Variants in BCORL1 observed in about 807,000 individuals in gnomAD.
BCORL1 encodes BCL6 corepressor like 1.
In BCORL1, 7 loss-of-function variants were observed where a neutral mutation model predicts 87.6. The ratio of observed to expected loss-of-function variants is 0.08; its 90% confidence interval spans 0.05 to 0.15. BCORL1 has a LOEUF of 0.15. BCORL1 is among the 10% of genes least tolerant of loss of function. BCORL1 has a pLI of 1.00. For missense variants in BCORL1, 1,215 were observed against 1,499.7 expected (o/e 0.81, Z 3.13); for synonymous variants, 591 against 634.4 (o/e 0.93, Z 1.03).
At chrX:129,991,135 A>C (rs975486714) in intron 1 of BCORL1, among the ~76,000 whole-genome samples, 1 of 108,459 alleles carries the variant, frequency 9.2e-6, no homozygotes, top group Non-Finnish European at 1.9e-5. Context: ...TTATTTTTTG[A>C]GATAGAGTTT....
Position 130,023,469 on chromosome X carries a change from A to T in BCORL1, c.3688+492A>T, listed in dbSNP as rs1022112294. 3.6e-5 allele frequency among the ~76,000 whole-genome samples: 4 copies of T among 112,055 alleles called. No homozygotes were observed. The Admixed American group carries it at 3.8e-4, about 11-fold the overall frequency. On this transcript the variant is annotated intron_variant, in intron 6 of 13. Transcript: ENST00000540052. ...TGTTGGTCAACCTCTAGGGACTAAAAAAAGCTAGCCCTTTCTAGCCACCAC... is the reference window on the plus strand; with the variant it reads ...TGTTGGTCAACCTCTAGGGACTAAATAAAGCTAGCCCTTTCTAGCCACCAC...
chrX:130,036,669 C>CTTAT (rs1487850797), intron 9 of BCORL1, among the ~76,000 whole-genome samples: 8 of 112,538 alleles, frequency 7.1e-5, no homozygotes, highest in African/African-American at 2.6e-4. Context: ...AATTGTCTTC[C>CTTAT]TTATTCTTGA....
Position 130,015,548 on chromosome X carries a change from C to T in BCORL1, c.2776C>T (p.Leu926Phe). 1 of 1,212,355 alleles carries T rather than the reference C, an allele frequency of 8.2e-7. No homozygotes were observed. Among genetic ancestry groups the T allele is most frequent in the African/African-American group, 1.7e-5 (1 of 57,954 alleles). Reference sequence around the variant, plus strand: ...ACAAGTCAATCCTGTCCTCTTGACCCTCAGCCCTCAGACTGGGACCCTGGC... The same window carrying T: ...ACAAGTCAATCCTGTCCTCTTGACCTTCAGCCCTCAGACTGGGACCCTGGC... ...EEQVNPVLLT[L>F]SPQTGTLALS... The change falls in exon 4 of 14, where the codon CTC (leucine) becomes TTC (phenylalanine). Residue 926 changes from leucine (L) to phenylalanine (F), a missense_variant. By Grantham distance (22) the Leu-to-Phe change is conservative. Coordinates refer to ENST00000540052, the MANE Select transcript of BCORL1 (RefSeq NM_001379451.1).
chrX:130,048,129 G>A (rs1931865357), intron 11 of BCORL1, among the ~76,000 whole-genome samples: 1 of 112,074 alleles, frequency 8.9e-6, no homozygotes, highest in African/African-American at 3.2e-5. Context: ...TCCTACTGGG[G>A]GAAACCCGCC....
intron 7 of BCORL1, among the ~76,000 whole-genome samples, chrX:130,026,019 A>T (rs1398600520): frequency 8.9e-6 from 1 of 111,741 alleles, no homozygotes; most frequent in African/African-American, 3.3e-5. Flanking sequence ...ACCACATCAA[A>T]TGCTGTGATA....
chrX:129,999,019 A>G (rs941149197), intron 1 of BCORL1, among the ~76,000 whole-genome samples: 1 of 108,159 alleles, frequency 9.2e-6, no homozygotes, highest in African/African-American at 3.4e-5. Flanking sequence ...TGTATTATAT[A>G]GTAATTATTT....
chrX:130,037,608 C>T, intron 10 of BCORL1, 75 bp downstream of exon 10: 6 of 1,097,955 alleles, frequency 5.5e-6, no homozygotes, highest in Admixed American at 2.8e-5. Flanking sequence ...CCTTGCCTGC[C>T]GCTGGCAGGC....
At position 130,023,067 on chromosome X, in the gene BCORL1, G is replaced by A. The variant is rs754515132; in HGVS notation, c.3688+90G>A. On this transcript the variant is annotated intron_variant, in intron 6 of 13. Coordinates refer to ENST00000540052, the MANE Select transcript of BCORL1 (RefSeq NM_001379451.1). ...TTGAGCAGTTTTACCATGGGCCCAG[G>A]TGTCGAGTTGGGAATTTGATTCACT... 15 of 806,206 alleles carry A rather than the reference G, an allele frequency of 1.9e-5. No homozygotes were observed. In the Admixed American group the frequency reaches 3.3e-4, roughly 18 times the overall value. The allele number at this position is 806,206 out of a possible 1,213,427, so 66.4% of individuals were successfully genotyped here. A position where few individuals can be genotyped will look rare whatever the true frequency, so the allele number is the denominator to read the frequency against.
At position 130,014,757 on chromosome X, in the gene BCORL1, T is replaced by C; in HGVS notation, c.1985T>C (p.Leu662Pro). The change falls in exon 4 of 14, where the codon CTG becomes CCG. Residue 662 changes from leucine (L) to proline (P), a missense_variant. Transcript: ENST00000540052. ...AGCAAGGCCCTCCTCTCCACAGTCC[T>C]GTCTAGGTCTCAGCGCACAACCCAG... is the stretch of plus-strand genomic sequence containing the variant. ...TSSKALLSTV[L>P]SRSQRTTQAA... The C allele has an allele frequency of 2.5e-6, 3 of 1,211,438 alleles. No homozygotes were observed. The highest frequency in any genetic ancestry group is 3.4e-6 in the Non-Finnish European group (3 of 895,417).
intron 1 of BCORL1, among the ~76,000 whole-genome samples, chrX:129,996,808 G>A (rs376050765): frequency 4.6e-5 from 5 of 109,704 alleles, no homozygotes; most frequent in South Asian, 7.8e-4. Flanking sequence ...TTATAGAGAC[G>A]AGGTCTCACT....
chrX:129,988,088 A>G (rs1926780681), intron 1 of BCORL1, among the ~76,000 whole-genome samples: 1 of 111,656 alleles, frequency 9.0e-6, no homozygotes, highest in Admixed American at 9.5e-5. Context: ...TGGTTGCCAG[A>G]GTGTTTAGTG....
In BCORL1 at chrX:130,012,454, C is replaced by G. The variant is rs149521350; in HGVS notation, c.87-124C>G. Reference sequence around the variant, plus strand: ...TCCTTGTAATCCCCCTCACAAGTTACTACAGGAAGTGAGGTAGGAAGGTTT... The same window carrying G: ...TCCTTGTAATCCCCCTCACAAGTTAGTACAGGAAGTGAGGTAGGAAGGTTT... On this transcript the variant is annotated intron_variant, in intron 2 of 13. Coordinates refer to ENST00000540052, the MANE Select transcript of BCORL1 (RefSeq NM_001379451.1). The G allele has an allele frequency of 3.2e-4, 172 of 539,582 alleles. No individual in the cohort carries two copies. The African/African-American group carries it at 3.5e-3, about 11-fold the overall frequency. 44.5% of individuals were successfully genotyped at this position (539,582 alleles called of 1,213,427 possible). A position where few individuals can be genotyped will look rare whatever the true frequency, so the allele number is the denominator to read the frequency against.
In BCORL1 at chrX:130,031,313, A is replaced by G. The variant is rs149689910; in HGVS notation, c.4305+2452A>G. Among the ~76,000 whole-genome samples the G allele has an allele frequency of 9.3e-4, 104 of 112,258 alleles. No individual in the cohort carries two copies. The East Asian group carries it at 0.027, about 29-fold the overall frequency. Reference sequence around the variant, plus strand: ...GCTTGTACCTCTCTGCCCTTTCAGGATGGGGACTGATCATGGCTTCTCGCT... The same window carrying G: ...GCTTGTACCTCTCTGCCCTTTCAGGGTGGGGACTGATCATGGCTTCTCGCT... On this transcript the variant is annotated intron_variant, in intron 8 of 13. Coordinates refer to ENST00000540052, the MANE Select transcript of BCORL1 (RefSeq NM_001379451.1).
chrX:130,004,122 A>G (rs767283273), intron 1 of BCORL1, among the ~76,000 whole-genome samples: 3 of 110,979 alleles, frequency 2.7e-5, no homozygotes, highest in African/African-American at 9.8e-5. Flanking sequence ...CATTTTTTCT[A>G]GAAGGTAAAT....
intron 1 of BCORL1, among the ~76,000 whole-genome samples, chrX:129,996,910 C>A (rs1480808521): frequency 8.9e-6 from 1 of 111,794 alleles, no homozygotes; most frequent in African/African-American, 3.3e-5. Flanking sequence ...TGAGCCCATG[C>A]CTGGCCTGGT....
chrX:129,989,902 C>G (rs1401926722), intron 1 of BCORL1, among the ~76,000 whole-genome samples: 1 of 110,651 alleles, frequency 9.0e-6, no homozygotes, highest in Non-Finnish European at 1.9e-5. Flanking sequence ...TCTCGTGCCT[C>G]AGCCTCTCGA....
At chrX:130,005,046 T>G (rs1383663801) in intron 1 of BCORL1, 142 bp from the exon 2 acceptor site, 1 of 382,380 alleles carries the variant, frequency 2.6e-6, no homozygotes, top group African/African-American at 2.5e-5. Context: ...CTTCCCGGTT[T>G]AGACCTTAAT....
intron 8 of BCORL1, among the ~76,000 whole-genome samples, chrX:130,031,882 C>A (rs1479303045): frequency 9.0e-6 from 1 of 111,437 alleles, no homozygotes; most frequent in African/African-American, 3.3e-5. Flanking sequence ...GAACCCTGTC[C>A]CCAAGGAGCT....
Position 130,015,816 on chromosome X carries a change from A to T in BCORL1, c.3044A>T (p.Asp1015Val), listed in dbSNP as rs750308561. The T allele has an allele frequency of 8.3e-7, 1 of 1,211,909 alleles. No homozygotes were observed. Among genetic ancestry groups the T allele is most frequent in the Non-Finnish European group, 1.1e-6 (1 of 895,512 alleles). Residue 1015 changes from aspartate to valine, a missense_variant, in exon 4 of 14, where the codon GAC (aspartate) becomes GTC (valine). By Grantham distance (152) the Asp-to-Val change is radical. Transcript: ENST00000540052. ...CCTGAGCTGCCTTTGCTACCTCACGACAGCCACCCCAAGGAACTTATATTG... is the reference window on the plus strand; with the variant it reads ...CCTGAGCTGCCTTTGCTACCTCACGTCAGCCACCCCAAGGAACTTATATTG... Reference protein sequence around the residue: ...KMPELPLLPHDSHPKELILDV... With the variant: ...KMPELPLLPHVSHPKELILDV...
Sources: gnomAD v4.1 joint callset for allele counts (sites outside exome capture counted in the v4.1 genomes callset) on GRCh38, gnomAD v4.1.1 for gene constraint, MANE v1.5 for transcripts, NCBI Gene and HGNC (gene_info 2026-07-23, HGNC 2026-07-21) for gene names.